Variants in CDH13 observed in about 807,000 individuals in gnomAD.
CDH13 encodes cadherin 13.
A neutral mutation model predicts 63.8 loss-of-function variants in CDH13; 24 were observed. The observed-to-expected ratio is 0.38, with a 90% confidence interval of 0.27 to 0.53. The LOEUF (loss-of-function observed/expected upper bound fraction) is 0.53, where lower values mean the gene tolerates loss of function less well. Ranked by LOEUF, CDH13 falls within the 20% of genes least tolerant of loss-of-function variation. The pLI, the probability that CDH13 is intolerant of heterozygous loss-of-function variation, is 0.85. For missense variants in CDH13, 1,049 were observed against 903.1 expected, an observed-to-expected ratio of 1.16 and a Z score of -2.07; for synonymous variants, 503 against 355.3, an observed-to-expected ratio of 1.42 and a Z score of -4.67.
Position 83,356,969 on chromosome 16 carries a change from C to A in CDH13, c.781+11963C>A, listed in dbSNP as rs1544814. ...GGGAATTCTTGTGTTTTCTTTCTTGCTCCAGTTTTCCACTTTTCTTTAGTG... is the reference window on the plus strand; with the variant it reads ...GGGAATTCTTGTGTTTTCTTTCTTGATCCAGTTTTCCACTTTTCTTTAGTG... On this transcript the variant is annotated intron_variant, in intron 6 of 13. Coordinates refer to ENST00000567109, the MANE Select transcript of CDH13 (RefSeq NM_001257.5). 1.9e-3 allele frequency among the ~76,000 whole-genome samples: 287 copies of A among 152,262 alleles called. 1 individual carries two copies. Among genetic ancestry groups the A allele is most frequent in the African/African-American group, 6.6e-3 (275 of 41,540 alleles).
At chr16:82,734,604 A>T (rs2033575171) in intron 1 of CDH13, among the ~76,000 whole-genome samples, 3 of 152,168 alleles carry the variant, frequency 2.0e-5, no homozygotes, top group Admixed American at 6.5e-5. Flanking sequence ...TCTGAGATGG[A>T]GTTTAGCATT....
chr16:82,923,882 G>T (rs1414640527), intron 2 of CDH13, among the ~76,000 whole-genome samples: 1 of 152,144 alleles, frequency 6.6e-6, no homozygotes. Flanking sequence ...TTGGGATCCT[G>T]GTTCTGCATT....
intron 3 of CDH13, among the ~76,000 whole-genome samples, chr16:83,035,748 C>T (rs1029462655): frequency 2.0e-5 from 3 of 152,160 alleles, no homozygotes; most frequent in Non-Finnish European, 4.4e-5. Flanking sequence ...GTGTTACCTT[C>T]AGTCAATTGC....
chr16:82,657,340 C>T (rs915281044), intron 1 of CDH13, among the ~76,000 whole-genome samples: 3 of 152,240 alleles, frequency 2.0e-5, no homozygotes, highest in Admixed American at 2.0e-4. Context: ...GCGCACTCAC[C>T]CTTCTCTTTT....
chr16:82,760,967 A>G (rs1380930227), intron 1 of CDH13, among the ~76,000 whole-genome samples: 1 of 139,426 alleles, frequency 7.2e-6, no homozygotes, highest in East Asian at 2.1e-4. Flanking sequence ...TAAGCCAAAT[A>G]TCTCCCACCA....
chr16:83,601,919 C>G (rs773206948), intron 7 of CDH13, among the ~76,000 whole-genome samples: 29 of 151,570 alleles, frequency 1.9e-4, no homozygotes, highest in Admixed American at 1.9e-3. Flanking sequence ...ATGGTGATAC[C>G]CTGTCCCTAC....
chr16:83,373,103 T>A (rs1276582615), intron 6 of CDH13, among the ~76,000 whole-genome samples: 1 of 152,202 alleles, frequency 6.6e-6, no homozygotes, highest in East Asian at 1.9e-4. Context: ...AGCCAGAGTT[T>A]GGGCATATTT....
At chr16:82,676,779 C>T (rs1021293046) in intron 1 of CDH13, among the ~76,000 whole-genome samples, 1 of 152,182 alleles carries the variant, frequency 6.6e-6, no homozygotes, top group African/African-American at 2.4e-5. Flanking sequence ...TGCCACTCTA[C>T]ACTTTCAACT....
At chr16:83,277,864 C>G (rs1036323131) in intron 5 of CDH13, among the ~76,000 whole-genome samples, 30 of 151,886 alleles carry the variant, frequency 2.0e-4, no homozygotes, top group African/African-American at 6.8e-4. Flanking sequence ...TATAAAGGAT[C>G]CTGAAACCAA....
At chr16:83,234,801 G>C (rs2040098022) in intron 5 of CDH13, among the ~76,000 whole-genome samples, 1 of 152,244 alleles carries the variant, frequency 6.6e-6, no homozygotes. Context: ...GCTTAGGAAA[G>C]TGTCTGGAAA....
chr16:83,781,544 A>AT (rs889625541), intron 12 of CDH13, among the ~76,000 whole-genome samples: 2 of 151,652 alleles, frequency 1.3e-5, no homozygotes, highest in South Asian at 4.2e-4. Context: ...CTCATATCTC[A>AT]TTTTTTTAGT....
At chr16:82,756,834 A>T (rs942290310) in intron 1 of CDH13, among the ~76,000 whole-genome samples, 1 of 152,186 alleles carries the variant, frequency 6.6e-6, no homozygotes, top group African/African-American at 2.4e-5. Flanking sequence ...GACTGTCACC[A>T]ATGCATGACT....
chr16:83,463,858 A>T lies in CDH13; in HGVS notation c.782-22619A>T, dbSNP rs1023796493. ...CACTTCGGATTCTGTTTCATAGGCC[A>T]GGTAAGTCACAGGGCCACTCGTAAA... On this transcript the variant is annotated intron_variant, in intron 6 of 13. Coordinates refer to ENST00000567109, the MANE Select transcript of CDH13 (RefSeq NM_001257.5). Among the ~76,000 whole-genome samples, 3 of 152,172 alleles carry T rather than the reference A, an allele frequency of 2.0e-5. 1 individual carries two copies. Among genetic ancestry groups the T allele is most frequent in the Non-Finnish European group, 2.9e-5 (2 of 68,028 alleles).
Position 82,902,024 on chromosome 16 carries a change from C to A in CDH13, c.157+43551C>A, listed in dbSNP as rs191944061. On this transcript the variant is annotated intron_variant, in intron 2 of 13. Coordinates refer to ENST00000567109, the MANE Select transcript of CDH13 (RefSeq NM_001257.5). ...CTTGTCCAAGGTCACATAGCTATTA[C>A]GTGGCAGAGTCAAGACTCAAACACA... Among the ~76,000 whole-genome samples, 91 of 152,332 alleles carry A rather than the reference C, an allele frequency of 6.0e-4. 2 individuals carry two copies. Among genetic ancestry groups the A allele is most frequent in the Admixed American group, 4.9e-3 (75 of 15,300 alleles).
At chr16:82,730,040 G>A (rs998849697) in intron 1 of CDH13, among the ~76,000 whole-genome samples, 1 of 152,204 alleles carries the variant, frequency 6.6e-6, no homozygotes, top group Admixed American at 6.5e-5. Flanking sequence ...TGGATTAGGT[G>A]TTGGCTTAAG....
chr16:82,790,438 A>T (rs887665895), intron 1 of CDH13, among the ~76,000 whole-genome samples: 1 of 152,208 alleles, frequency 6.6e-6, no homozygotes, highest in African/African-American at 2.4e-5. Flanking sequence ...CTGTCTCAAA[A>T]AAGAAAAACA....
At chr16:83,173,334 G>T (rs1193241273) in intron 4 of CDH13, among the ~76,000 whole-genome samples, 1 of 152,110 alleles carries the variant, frequency 6.6e-6, no homozygotes, top group Non-Finnish European at 1.5e-5. Context: ...TTGTTAAAGA[G>T]AATTGGAATA....
chr16:83,369,056 C>T (rs763660905), intron 6 of CDH13, among the ~76,000 whole-genome samples: 2 of 150,898 alleles, frequency 1.3e-5, no homozygotes, highest in African/African-American at 2.4e-5. Flanking sequence ...CGTATAATGA[C>T]TTCTTTTCCT....
intron 1 of CDH13, among the ~76,000 whole-genome samples, chr16:82,792,122 C>T (rs545423356): frequency 1.3e-5 from 2 of 152,300 alleles, no homozygotes; most frequent in Middle Eastern, 3.4e-3. Context: ...CCTTCCTTCA[C>T]ATAAACCATC....
Sources: allele counts gnomAD v4.1 joint callset (sites outside exome capture counted in the v4.1 genomes callset), GRCh38; gene constraint gnomAD v4.1.1; transcripts MANE v1.5; gene names NCBI Gene and HGNC (gene_info 2026-07-23, HGNC 2026-07-21).